CDH26: variants seen among roughly 807,000 people sequenced by gnomAD.
CDH26 encodes the protein cadherin 26, also known as cadherin-like protein 26.
In CDH26, 83 loss-of-function variants were observed where a neutral mutation model predicts 90.3. The ratio of observed to expected loss-of-function variants is 0.92; its 90% CI spans 0.77 to 1.10. CDH26 has a LOEUF of 1.10. Ranked by LOEUF, CDH26 falls within the 50% of genes least tolerant of loss-of-function variation. The probability of loss-of-function intolerance (pLI) is 0.00; values close to 1 mark genes in which losing one functional copy is unlikely to be tolerated. For missense variants in CDH26, 1,013 were observed against 1,037.6 expected, an observed-to-expected ratio of 0.98 and a Z score of 0.33; for synonymous variants, 397 against 396.3, an observed-to-expected ratio of 1.00 and a Z score of -0.02.
At chr20:60,026,390 TAGAGAGAG>T (rs60922926) in intron 7 of CDH26, among the ~76,000 whole-genome samples, 531 of 139,288 alleles carry the variant, frequency 3.8e-3, no homozygotes, top group Admixed American at 4.0e-3. Flanking sequence ...TGGCTGGAGT[TAGAGAGAG>T]AGAGAGAGAG....
chr20:59,989,887 A>G (rs1216212143), intron 9 of CDH26, among the ~76,000 whole-genome samples: 1 of 152,188 alleles, frequency 6.6e-6, no homozygotes, highest in African/African-American at 2.4e-5. Context: ...CATAAAATTT[A>G]CCATTTTATC....
chr20:60,021,897 C>CACACATATATAT (rs1295572684), intron 7 of CDH26, among the ~76,000 whole-genome samples: 1 of 78,938 alleles, frequency 1.3e-5, no homozygotes, highest in Non-Finnish European at 3.0e-5. Flanking sequence ...CACACACACA[C>CACACATATATAT]ATATATATAT....
chr20:59,960,355 C>T (rs1012009927), intron 1 of CDH26, among the ~76,000 whole-genome samples: 9 of 151,598 alleles, frequency 5.9e-5, no homozygotes, highest in Non-Finnish European at 7.4e-5. Context: ...CTTGGTACTG[C>T]GAAAGTTGTC....
At chr20:59,977,073 T>G (rs2061336144) in intron 4 of CDH26, among the ~76,000 whole-genome samples, 1 of 151,968 alleles carries the variant, frequency 6.6e-6, no homozygotes, top group South Asian at 2.1e-4. Context: ...GGTGAAATAG[T>G]CACTTAGTCT....
chr20:60,030,678 G>A lies in CDH26; in HGVS notation c.948-553G>A, dbSNP rs901581256. On this transcript the variant is annotated intron_variant, in intron 7 of 8. Coordinates refer to the CDH26 transcript ENST00000370991. This position sits in a 1 kb window ranked among gnomAD's most constrained non-coding sequence, Gnocchi z 4.0. ...GAAGCTGAGAGGCTGTAAGTGCAGG[G>A]GCAGTTGCAGCAACCTTGAGAACAT... Among the ~76,000 whole-genome samples, 6 of 152,198 alleles carry A rather than the reference G, an allele frequency of 3.9e-5. No homozygotes were observed. Among genetic ancestry groups the A allele is most frequent in the African/African-American group, 1.4e-4 (6 of 41,452 alleles).
intron 7 of CDH26, among the ~76,000 whole-genome samples, chr20:60,024,914 G>A (rs1378903717): frequency 6.6e-6 from 1 of 152,214 alleles, no homozygotes; most frequent in Non-Finnish European, 1.5e-5. Flanking sequence ...CAGCAGAGGT[G>A]GTCGTGCAAG....
chr20:59,968,003 CT>C lies in CDH26; in HGVS notation c.70-961del, dbSNP rs1569024948. 6.7e-5 allele frequency among the ~76,000 whole-genome samples: 8 copies of C among 119,312 alleles called. 1 individual carries two copies. Among genetic ancestry groups the C allele is most frequent in the South Asian group, 2.7e-4 (1 of 3,696 alleles). The allele number at this position is 119,312 out of a possible 152,430, so 78.3% of individuals were successfully genotyped here. A position where few individuals can be genotyped will look rare whatever the true frequency, so the allele number is the denominator to read the frequency against. On this transcript the variant is annotated intron_variant, in intron 1 of 17. Coordinates refer to ENST00000348616, the MANE Select transcript of CDH26 (RefSeq NM_177980.4). Reference sequence around the variant, plus strand: ...TCTTTCTTTCTTTCTTTCTTTCTTTCTTTCTTTCTTCCTTTCTCTCTGTCTC... The same window carrying C: ...TCTTTCTTTCTTTCTTTCTTTCTTTCTTCTTTCTTCCTTTCTCTCTGTCTC...
rs149133906 is a variant in CDH26, at chr20:59,985,031, G to A, written c.739G>A (p.Ala247Thr). Residue 247 changes from alanine to threonine, a missense_variant, in exon 7 of 18, where the codon GCC becomes ACC. Ala to Thr is a moderately conservative substitution (Grantham distance 58, BLOSUM62 0). Coordinates refer to ENST00000348616, the MANE Select transcript of CDH26 (RefSeq NM_177980.4). The part of the protein sequence containing the change: ...TAPQFTLLIR[A>T]RDCGEPSLSS... ...TCCTCAGTTTACACTGCTAATCAGA[G>A]CCAGGGACTGTGGAGAACCGTCACT... 6.2e-7 allele frequency: 1 copy of A among 1,614,038 alleles called. No homozygotes were observed. Among genetic ancestry groups the A allele is most frequent in the Admixed American group, 1.7e-5 (1 of 60,004 alleles).
rs1027610715 is a variant in CDH26 at position 60,013,184 on chromosome 20, A to G, written c.*454A>G. ...TTAGGTAAATAGAGAAATTTTTTCT[A>G]TAACATTTGTAGTCAGTATTTGAAG... On this transcript the variant is annotated 3_prime_UTR_variant, in exon 18 of 18. Transcript: ENST00000348616. 6.5e-6 allele frequency: 1 copy of G among 154,670 alleles called. No homozygotes were observed. Among genetic ancestry groups the G allele is most frequent in the Non-Finnish European group, 1.4e-5 (1 of 69,662 alleles). 9.6% of individuals were successfully genotyped at this position (154,670 alleles called of 1,614,324 possible).
intron 8 of CDH26, chr20:60,031,482 G>A: frequency 9.5e-7 from 1 of 1,048,204 alleles, no homozygotes; most frequent in Non-Finnish European, 1.2e-6. Flanking sequence ...AAAAGATTCA[G>A]TTATGAATTC....
At chr20:59,976,665 C>G (rs2061331880) in intron 4 of CDH26, among the ~76,000 whole-genome samples, 1 of 152,084 alleles carries the variant, frequency 6.6e-6, no homozygotes, top group East Asian at 1.9e-4. Flanking sequence ...TGCTGGAGTC[C>G]CTGCAGCGGA....
At chr20:59,982,823 G>T (rs1378418935) in intron 4 of CDH26, 100 bp from the exon 5 acceptor site, 1 of 1,371,948 alleles carries the variant, frequency 7.3e-7, no homozygotes, top group Non-Finnish European at 1.0e-6. Context: ...CAGTCTAGAG[G>T]AGGAGACAGA....
Position 60,012,585 on chromosome 20 carries a change from G to A in CDH26, c.2354G>A (p.Ser785Asn), listed in dbSNP as rs1569063433. The A allele has an allele frequency of 6.2e-7, 1 of 1,614,148 alleles. No homozygotes were observed. Among genetic ancestry groups the A allele is most frequent in the Non-Finnish European group, 8.5e-7 (1 of 1,180,016 alleles). Residue 785 changes from serine (S) to asparagine (N), a missense_variant, in exon 18 of 18, where the codon AGC (serine) becomes AAC (asparagine). Transcript: ENST00000348616. ...DDPGYLPHVYSEEGECGGAPS... is the reference protein window; with the variant it reads ...DDPGYLPHVYNEEGECGGAPS... ...CCCGGCTACCTACCTCACGTCTACA[G>A]CGAGGAAGGGGAGTGTGGAGGGGCC...
intron 1 of CDH26, among the ~76,000 whole-genome samples, chr20:59,960,795 C>G (rs1010939850): frequency 6.6e-6 from 1 of 152,220 alleles, no homozygotes; most frequent in East Asian, 1.9e-4. Context: ...GTCATCTTCT[C>G]TTAGAGAGCC....
downstream of CDH26, among the ~76,000 whole-genome samples, chr20:60,018,135 G>C (rs2061920978): frequency 1.3e-5 from 2 of 152,008 alleles, no homozygotes; most frequent in African/African-American, 2.4e-5. Flanking sequence ...GGTAGGTTCA[G>C]TTTAAATCTG....
At position 59,985,036 on chromosome 20, in the gene CDH26, G is replaced by A. The variant is rs1177418580; in HGVS notation, c.744G>A (p.Arg248=). ...AGTTTACACTGCTAATCAGAGCCAG[G>A]GACTGTGGAGAACCGTCACTGTCAT... ...APQFTLLIRA[R]DCGEPSLSST... The change falls in exon 7 of 18, where the codon AGG becomes AGA. Residue 248 remains arginine (R), a synonymous_variant. Coordinates refer to ENST00000348616, the MANE Select transcript of CDH26 (RefSeq NM_177980.4). The A allele has an allele frequency of 1.9e-6, 3 of 1,613,882 alleles. No homozygotes were observed. Among genetic ancestry groups the A allele is most frequent in the Non-Finnish European group, 2.5e-6 (3 of 1,179,978 alleles).
intron 4 of CDH26, 134 bp from the exon 5 acceptor site, chr20:59,982,789 C>A: frequency 9.9e-7 from 1 of 1,011,576 alleles, no homozygotes; most frequent in Non-Finnish European, 1.5e-6. Flanking sequence ...TGAGGGCAGT[C>A]TGATTCCTGC....
At chr20:59,984,532 C>T (rs2061429179) in intron 5 of CDH26, 107 bp from the exon 6 acceptor site, 8 of 755,576 alleles carry the variant, frequency 1.1e-5, no homozygotes, top group Non-Finnish European at 1.7e-5. Flanking sequence ...AAACATTCCA[C>T]TCATTTTGGT....
intron 1 of CDH26, 39 bp from the exon 2 acceptor site, chr20:59,968,928 G>T (rs761649082): frequency 8.8e-7 from 1 of 1,132,018 alleles, no homozygotes; most frequent in South Asian, 1.4e-5. Flanking sequence ...ATTCTGGTAA[G>T]AATATTCTCT....
Sources: allele counts gnomAD v4.1 joint callset (sites outside exome capture counted in the v4.1 genomes callset), GRCh38; gene constraint gnomAD v4.1.1; non-coding constraint Gnocchi (gnomAD v3.1); transcripts MANE v1.5; gene names NCBI Gene and HGNC (gene_info 2026-07-23, HGNC 2026-07-21).